The following EVC variants were observed in gnomAD, a reference collection of about 807,000 sequenced individuals.
EVC encodes the protein evC complex member EVC.
EVC carries 116 observed loss-of-function variants against 118.9 expected under a neutral mutation model. The ratio of observed to expected loss-of-function variants is 0.98; its 90% CI spans 0.84 to 1.14. EVC has a LOEUF of 1.14. EVC is among the 50% of genes most tolerant of loss of function. The probability of loss-of-function intolerance (pLI) is 0.00; values close to 1 mark genes in which losing one functional copy is unlikely to be tolerated. For synonymous variants in EVC, 619 were observed against 534.7 expected (o/e 1.16, Z -2.18); for missense variants, 1,401 against 1,246.4 (o/e 1.12, Z -1.87).
the EVC span, chr4:5,821,367 C>G: frequency 5.1e-6 from 1 of 196,156 alleles, no homozygotes; most frequent in Admixed American, 5.4e-5. This position sits in a 1 kb window ranked among gnomAD's most constrained non-coding sequence, Gnocchi z 4.4. Flanking sequence ...CACAGACTTG[C>G]ATACGTAATT....
rs1241925243 is a variant in EVC, at chr4:5,748,139, A to C, written c.940-9A>C. The C allele has an allele frequency of 3.1e-6, 5 of 1,614,068 alleles. No homozygotes were observed. The highest frequency in any genetic ancestry group is 3.3e-5 in the Admixed American group (2 of 60,004). ...ACCTCACTTCTTGCTGCTTGTGCTC[A>C]TTTCACAGATGGAAGCTTTCTGGAA... On this transcript the variant is annotated splice_polypyrimidine_tract_variant and intron_variant, in intron 7 of 20. Coordinates refer to ENST00000264956, the MANE Select transcript of EVC (RefSeq NM_153717.3).
chr4:5,822,295 G>C, the EVC span, among the ~76,000 whole-genome samples: 2 of 152,228 alleles, frequency 1.3e-5, no homozygotes, highest in African/African-American at 4.8e-5. Flanking sequence ...CACAGGTGTT[G>C]GGTGGGGAAG....
At chr4:5,796,157 C>T (rs957261727) in intron 13 of EVC, among the ~76,000 whole-genome samples, 1 of 152,044 alleles carries the variant, frequency 6.6e-6, no homozygotes, top group Non-Finnish European at 1.5e-5. Flanking sequence ...CATTTGATTC[C>T]TTGTATAGTT....
At chr4:5,762,120 C>A (rs1732146870) in intron 11 of EVC, among the ~76,000 whole-genome samples, 1 of 136,044 alleles carries the variant, frequency 7.4e-6, no homozygotes, top group South Asian at 2.6e-4. Context: ...TCTCATTGTT[C>A]AATTCCCACC....
At chr4:5,784,352 C>A (rs899716855) in intron 12 of EVC, among the ~76,000 whole-genome samples, 1 of 152,050 alleles carries the variant, frequency 6.6e-6, no homozygotes, top group Non-Finnish European at 1.5e-5. Context: ...ATGTTCTAAG[C>A]AGAGGTCGGA....
chr4:5,718,399 C>T (rs1724338310), intron 1 of EVC, among the ~76,000 whole-genome samples: 1 of 151,916 alleles, frequency 6.6e-6, no homozygotes, highest in East Asian at 1.9e-4. Flanking sequence ...TGTAACACAC[C>T]CATTTCTCCA....
At position 5,814,051 on chromosome 4, in the gene EVC, C is replaced by G. The variant is rs542723711; in HGVS notation, c.*3014C>G. 6.6e-6 allele frequency: 1 copy of G among 152,324 alleles called. No homozygotes were observed. The highest frequency in any genetic ancestry group is 1.5e-5 in the Non-Finnish European group (1 of 68,072). The allele number at this position is 152,324 out of a possible 1,614,324, so 9.4% of individuals were successfully genotyped here. A position where few individuals can be genotyped will look rare whatever the true frequency, so the allele number is the denominator to read the frequency against. ...TACCTGGGCACAGACTCGGGGCTGC[C>G]CTGAAGCTGATGAAGGCTTGAAGGA... On this transcript the variant is annotated 3_prime_UTR_variant, in exon 21 of 21. Transcript: ENST00000264956.
Position 5,802,948 on chromosome 4 carries a change from C to T in EVC, c.2449+854C>T, listed in dbSNP as rs139338195. On this transcript the variant is annotated intron_variant, in intron 16 of 20. Coordinates refer to ENST00000264956, the MANE Select transcript of EVC (RefSeq NM_153717.3). ...ATCCTAATTAGACGTTCAATGATTT[C>T]GTCTGTGAGCTTCCTGGTGGTGAAA... Among the ~76,000 whole-genome samples the T allele has an allele frequency of 8.7e-4, 132 of 152,250 alleles. 1 individual carries two copies. The East Asian group carries it at 0.023, about 27-fold the overall frequency.
chr4:5,769,190 A>T lies in EVC; in HGVS notation c.1563+12828A>T, dbSNP rs570429677. 7.6e-4 allele frequency among the ~76,000 whole-genome samples: 116 copies of T among 152,280 alleles called. 1 individual carries two copies. The highest frequency in any genetic ancestry group is 2.7e-3 in the African/African-American group (112 of 41,522). ...GGCCTCACAGTTATGGCGGAAGGCAAATGAGGAGCAAAGTCACATCTTAAA... is the reference window on the plus strand; with the variant it reads ...GGCCTCACAGTTATGGCGGAAGGCATATGAGGAGCAAAGTCACATCTTAAA... On this transcript the variant is annotated intron_variant, in intron 11 of 20. Coordinates refer to ENST00000264956, the MANE Select transcript of EVC (RefSeq NM_153717.3).
rs34947207 is a variant in EVC at position 5,748,248 on chromosome 4, C to T, written c.1040C>T (p.Thr347Met). Reference protein sequence around the residue: ...SKARQLMMTLTERMIAAEGLL... With the variant: ...SKARQLMMTLMERMIAAEGLL... ...GCCCGACAGCTGATGATGACTCTGA[C>T]GGAAAGAATGATTGCAGCCGAAGGG... is the stretch of plus-strand genomic sequence containing the variant. The change falls in exon 8 of 21, where the codon ACG becomes ATG. Residue 347 changes from threonine to methionine, a missense_variant. By Grantham distance (81) the Thr-to-Met change is moderately conservative. Coordinates refer to ENST00000264956, the MANE Select transcript of EVC (RefSeq NM_153717.3). 3.2e-4 allele frequency: 522 copies of T among 1,614,060 alleles called. No individual in the cohort carries two copies. In the African/African-American group the frequency reaches 5.1e-3, roughly 16 times the overall value.
chr4:5,712,451 C>T (rs1044623231), intron 1 of EVC, among the ~76,000 whole-genome samples: 3 of 152,182 alleles, frequency 2.0e-5, no homozygotes, highest in Non-Finnish European at 4.4e-5. Flanking sequence ...ATTGGCTGTG[C>T]ATGGCAACAC....
intron 1 of EVC, among the ~76,000 whole-genome samples, chr4:5,715,892 C>T (rs890307406): frequency 1.6e-4 from 25 of 152,090 alleles, no homozygotes; most frequent in African/African-American, 4.3e-4. Flanking sequence ...TACAGGCATG[C>T]GCCACCATGC....
In EVC at chr4:5,731,346, T is replaced by A. The variant is rs1726780710; in HGVS notation, c.385-79T>A. On this transcript the variant is annotated intron_variant, in intron 3 of 20. Coordinates refer to ENST00000264956, the MANE Select transcript of EVC (RefSeq NM_153717.3). This position sits in a 1 kb window ranked among gnomAD's most constrained non-coding sequence, Gnocchi z 5.6. ...CCTTCCTGTGAGCGGCTAGCGTGAA[T>A]CACTGGTAGAATTATGAATACTAGA... is the stretch of plus-strand genomic sequence containing the variant. 1.6e-6 allele frequency: 2 copies of A among 1,223,170 alleles called. No homozygotes were observed. The highest frequency in any genetic ancestry group is 1.5e-5 in the African/African-American group (1 of 67,262). 75.8% of individuals were successfully genotyped at this position (1,223,170 alleles called of 1,614,324 possible). A position where few individuals can be genotyped will look rare whatever the true frequency, so the allele number is the denominator to read the frequency against.
At chr4:5,773,459 C>T (rs780761274) in intron 11 of EVC, among the ~76,000 whole-genome samples, 74 of 152,264 alleles carry the variant, frequency 4.9e-4, no homozygotes, top group Non-Finnish European at 9.4e-4. Context: ...CAAAGCAGCA[C>T]ACCTCACTTC....
chr4:5,791,390 A>G (rs1415093244), intron 12 of EVC, among the ~76,000 whole-genome samples: 1 of 152,182 alleles, frequency 6.6e-6, no homozygotes, highest in Non-Finnish European at 1.5e-5. Context: ...GGAAATAAGA[A>G]ATAATATTGG....
rs1724558934 is a variant in EVC at position 5,719,376 on chromosome 4, A to G, written c.300+3A>G. 1 of 1,614,012 alleles carries G rather than the reference A, an allele frequency of 6.2e-7. No homozygotes were observed. Among genetic ancestry groups the G allele is most frequent in the African/African-American group, 1.3e-5 (1 of 74,934 alleles). On this transcript the variant is annotated splice_donor_region_variant and intron_variant, in intron 2 of 20. Coordinates refer to ENST00000264956, the MANE Select transcript of EVC (RefSeq NM_153717.3). This position sits in a 1 kb window ranked among gnomAD's most constrained non-coding sequence, Gnocchi z 4.7. ...CGAAGGACAAGGAAGCTGTTGATGT[A>G]AGCTTGGTGTTGATGTTTGTTTGTG...
At chr4:5,767,722 G>A (rs192371265) in intron 11 of EVC, among the ~76,000 whole-genome samples, 9 of 152,284 alleles carry the variant, frequency 5.9e-5, no homozygotes, top group Middle Eastern at 3.4e-3. Flanking sequence ...GACCCCTTGC[G>A]CTTCCCAAGT....
At chr4:5,818,956 A>G (rs150323506), downstream of EVC, among the ~76,000 whole-genome samples, 1,511 of 152,316 alleles carry the variant, frequency 9.9e-3, 23 homozygotes, top group African/African-American at 0.034. Context: ...CCATTGTTCA[A>G]CATTGATTTG....
At chr4:5,828,796 C>T in the EVC span, 4 of 1,152,738 alleles carry the variant, frequency 3.5e-6, no homozygotes, top group Admixed American at 5.5e-5. Flanking sequence ...TCTAAAAATA[C>T]CTTTTATTGA....
Sources: gnomAD v4.1 joint callset for allele counts (sites outside exome capture counted in the v4.1 genomes callset) on GRCh38, gnomAD v4.1.1 for gene constraint, Gnocchi (gnomAD v3.1) non-coding constraint, MANE v1.5 for transcripts, NCBI Gene and HGNC (gene_info 2026-07-23, HGNC 2026-07-21) for gene names.